WWC1: variants seen among roughly 807,000 people sequenced by gnomAD.
WWC1 encodes the protein protein KIBRA.
In WWC1, 55 loss-of-function variants were observed where a neutral mutation model predicts 138.4. That is an observed-to-expected ratio of 0.40 (90% CI 0.32 to 0.50). The LOEUF (loss-of-function observed/expected upper bound fraction) is 0.50. Among genes scored for constraint, WWC1 ranks in the 20% least tolerant of loss-of-function variants. The pLI is 0.72. For missense variants in WWC1, 1,226 were observed against 1,420.4 expected (o/e 0.86, Z 2.20); for synonymous variants, 524 against 564.9 (o/e 0.93, Z 1.03).
At chr5:168,390,042 A>T (rs1442675881) in intron 3 of WWC1, among the ~76,000 whole-genome samples, 1 of 152,224 alleles carries the variant, frequency 6.6e-6, no homozygotes, top group Non-Finnish European at 1.5e-5. Flanking sequence ...ATATTTTGAG[A>T]CTATAGACCC....
chr5:168,342,718 A>G (rs1226717530), intron 1 of WWC1, among the ~76,000 whole-genome samples: 1 of 152,124 alleles, frequency 6.6e-6, no homozygotes, highest in Non-Finnish European at 1.5e-5. Flanking sequence ...GAACTCCCAA[A>G]GGGTAGATGA....
intron 1 of WWC1, among the ~76,000 whole-genome samples, chr5:168,337,982 T>C (rs1773637789): frequency 6.6e-6 from 1 of 152,070 alleles, no homozygotes; most frequent in Admixed American, 6.5e-5. Context: ...TGGAGGAGGC[T>C]GGAGGGCTGG....
chr5:168,462,782 C>G (rs1380198124), intron 20 of WWC1, among the ~76,000 whole-genome samples: 4 of 152,238 alleles, frequency 2.6e-5, no homozygotes, highest in Admixed American at 6.5e-5. Flanking sequence ...GGGCACTGCT[C>G]CTTGCTTCCA....
At chr5:168,309,726 A>G (rs1007043085) in intron 1 of WWC1, among the ~76,000 whole-genome samples, 1 of 151,876 alleles carries the variant, frequency 6.6e-6, no homozygotes, top group Non-Finnish European at 1.5e-5. Context: ...TCTCCCTCTA[A>G]GTAGAACATA....
At chr5:168,300,530 T>C (rs1397859004) in intron 1 of WWC1, among the ~76,000 whole-genome samples, 1 of 146,356 alleles carries the variant, frequency 6.8e-6, no homozygotes, top group Admixed American at 7.0e-5. Context: ...GTTTCAAATG[T>C]CTGCCAAAGA....
chr5:168,466,917 TA>T (rs397881654), intron 21 of WWC1, among the ~76,000 whole-genome samples: 5,818 of 138,462 alleles, frequency 0.042, 148 homozygotes, highest in African/African-American at 0.074. Context: ...TTTCAAATAG[TA>T]AAAAAAAAAA....
intron 4 of WWC1, 87 bp from the exon 5 acceptor site, chr5:168,399,401 C>A: frequency 7.0e-7 from 1 of 1,432,216 alleles, no homozygotes; most frequent in Non-Finnish European, 9.7e-7. Flanking sequence ...CAGTGGGAGG[C>A]TCTGGGTTCC....
chr5:168,438,455 A>T (rs1001466295), intron 15 of WWC1, among the ~76,000 whole-genome samples: 1 of 152,160 alleles, frequency 6.6e-6, no homozygotes, highest in African/African-American at 2.4e-5. Context: ...CCCTTCTGCC[A>T]TGATTATAAG....
Position 168,408,652 on chromosome 5 carries a change from G to A in WWC1, c.866G>A (p.Ser289Asn). Residue 289 changes from serine (S) to asparagine (N), a missense_variant and splice_region_variant, in exon 7 of 23, where the codon AGC becomes AAC. This residue lies in a region of WWC1 where 1,016 missense variants were observed against 1,153.9 expected (regional missense o/e 0.88). Transcript: ENST00000265293. Reference sequence around the variant, plus strand: ...AGCTCCCAGACAGACATCTCGGGAAGCGTGAGTAGACGGGGCAGGTTGCTG... The same window carrying A: ...AGCTCCCAGACAGACATCTCGGGAAACGTGAGTAGACGGGGCAGGTTGCTG... ...DVSSQTDISGSFGINSNNQLA... is the reference protein window; with the variant it reads ...DVSSQTDISGNFGINSNNQLA... 1 of 1,614,120 alleles carries A rather than the reference G, an allele frequency of 6.2e-7. No individual in the cohort carries two copies. The highest frequency in any genetic ancestry group is 8.5e-7 in the Non-Finnish European group (1 of 1,179,974).
chr5:168,404,995 T>C (rs1779672891), intron 5 of WWC1, among the ~76,000 whole-genome samples: 2 of 152,092 alleles, frequency 1.3e-5, no homozygotes, highest in Non-Finnish European at 2.9e-5. Context: ...CCCTTATGTT[T>C]GTACAGTAAT....
chr5:168,324,937 A>T (rs953957437), intron 1 of WWC1, among the ~76,000 whole-genome samples: 21 of 152,204 alleles, frequency 1.4e-4, no homozygotes, highest in African/African-American at 4.8e-4. Flanking sequence ...AAAAGACATG[A>T]CCATCCTAAA....
At chr5:168,330,028 T>C (rs1772896448) in intron 1 of WWC1, among the ~76,000 whole-genome samples, 1 of 152,160 alleles carries the variant, frequency 6.6e-6, no homozygotes, top group African/African-American at 2.4e-5. Context: ...GAGAATCCCT[T>C]GAACCCGGGA....
chr5:168,333,437 T>C (rs1773201782), intron 1 of WWC1, among the ~76,000 whole-genome samples: 1 of 152,258 alleles, frequency 6.6e-6, no homozygotes. Context: ...CATACCTTTA[T>C]GCCTGAGAAT....
chr5:168,352,239 G>A lies in WWC1; in HGVS notation c.120-19185G>A, dbSNP rs141885721. 9.9e-4 allele frequency among the ~76,000 whole-genome samples: 151 copies of A among 152,300 alleles called. No individual in the cohort carries two copies. In the Middle Eastern group the frequency reaches 0.01, roughly 10 times the overall value. On this transcript the variant is annotated intron_variant, in intron 1 of 22. Transcript: ENST00000265293. ...TCATCATCTGAAAAATGGGATGTCC[G>A]TATCAGGTGGTCAAATAATGTTTAC...
chr5:168,440,342 G>A (rs1407077192), intron 15 of WWC1, among the ~76,000 whole-genome samples: 1 of 152,170 alleles, frequency 6.6e-6, no homozygotes, highest in African/African-American at 2.4e-5. Context: ...ATTGGAACTC[G>A]TGTGCATTGT....
In WWC1 at chr5:168,410,790, G is replaced by A. The variant is rs371506989; in HGVS notation, c.941+795G>A. ...TGCATCTTCTCATTTAATTTTAAAA[G>A]CAACCTTATAGCACAGGGTCTATCT... On this transcript the variant is annotated intron_variant, in intron 8 of 22. Coordinates refer to ENST00000265293, the MANE Select transcript of WWC1 (RefSeq NM_015238.3). 2.0e-5 allele frequency among the ~76,000 whole-genome samples: 3 copies of A among 152,242 alleles called. No homozygotes were observed. The East Asian group carries it at 5.8e-4, about 29-fold the overall frequency.
chr5:168,392,930 G>A (rs1778614001), intron 3 of WWC1, among the ~76,000 whole-genome samples: 1 of 152,060 alleles, frequency 6.6e-6, no homozygotes, highest in Non-Finnish European at 1.5e-5. Flanking sequence ...GTTAAGAGAA[G>A]CTATATGGTC....
intron 1 of WWC1, among the ~76,000 whole-genome samples, chr5:168,318,034 T>C (rs939815510): frequency 7.2e-5 from 11 of 152,180 alleles, no homozygotes; most frequent in Non-Finnish European, 1.5e-4. Context: ...TGGCCCTTTG[T>C]TGCTGCTCTC....
At chr5:168,330,720 G>GA (rs1772959025) in intron 1 of WWC1, among the ~76,000 whole-genome samples, 1 of 152,186 alleles carries the variant, frequency 6.6e-6, no homozygotes, top group African/African-American at 2.4e-5. Flanking sequence ...GCAGAGAGAA[G>GA]GATGCAGTGA....
Sources: gnomAD v4.1 joint callset for allele counts (sites outside exome capture counted in the v4.1 genomes callset) on GRCh38, gnomAD v4.1.1 for gene constraint, gnomAD v4.1.1 regional missense constraint, MANE v1.5 for transcripts, NCBI Gene and HGNC (gene_info 2026-07-23, HGNC 2026-07-21) for gene names.